Variants in ABI3BP observed in about 807,000 individuals in gnomAD.
ABI3BP encodes target of Nesh-SH3.
ABI3BP carries 216 observed loss-of-function variants against 268.6 expected under a neutral mutation model. That is an observed-to-expected ratio of 0.80 (90% CI 0.72 to 0.90). ABI3BP has a LOEUF of 0.90. ABI3BP is among the 40% of genes least tolerant of loss of function. The pLI is 0.00. For synonymous variants in ABI3BP, 730 were observed against 730.0 expected (o/e 1.00, Z 0.00); for missense variants, 2,090 against 2,182.4 (o/e 0.96, Z 0.84).
chr3:100,931,477 A>C lies in ABI3BP; in HGVS notation c.80-4996T>G, dbSNP rs539105648. Among the ~76,000 whole-genome samples the C allele has an allele frequency of 2.6e-5, 4 of 152,216 alleles. No individual in the cohort carries two copies. The South Asian group carries it at 8.3e-4, about 31-fold the overall frequency. On this transcript the variant is annotated intron_variant, in intron 1 of 67. Coordinates refer to ENST00000471714, the MANE Select transcript of ABI3BP (RefSeq NM_001375547.2). ...ATCCTGTAGTCTCTGCCAAAAGGCT[A>C]CTAGAAATGATAAACAACTTCAGCA...
chr3:100,800,981 T>C (rs899221264), intron 51 of ABI3BP, among the ~76,000 whole-genome samples: 5 of 152,222 alleles, frequency 3.3e-5, no homozygotes, highest in African/African-American at 4.8e-5. Flanking sequence ...GTTTTATAGT[T>C]ATTGATATTA....
chr3:100,975,514 C>T (rs765022549), intron 1 of ABI3BP, among the ~76,000 whole-genome samples: 3 of 152,098 alleles, frequency 2.0e-5, no homozygotes, highest in Non-Finnish European at 2.9e-5. Context: ...TTTCTAGTGG[C>T]ACCCTCCCTG....
intron 62 of ABI3BP, among the ~76,000 whole-genome samples, chr3:100,769,028 A>G (rs1441844926): frequency 6.6e-6 from 1 of 152,262 alleles, no homozygotes; most frequent in East Asian, 1.9e-4. Context: ...TAACTCTATT[A>G]TATCTCAGTT....
At chr3:100,933,632 A>AATATATATAT (rs55749258) in intron 1 of ABI3BP, among the ~76,000 whole-genome samples, 94 of 146,406 alleles carry the variant, frequency 6.4e-4, no homozygotes, top group Middle Eastern at 3.5e-3. Flanking sequence ...CAATATTTGC[A>AATATATATAT]ATATATATAT....
chr3:100,988,273 G>A (rs1030677242), intron 1 of ABI3BP, among the ~76,000 whole-genome samples: 28 of 152,182 alleles, frequency 1.8e-4, no homozygotes, highest in African/African-American at 6.8e-4. Context: ...TGAGCAGCTG[G>A]AAAGTTGACA....
At chr3:100,870,968 T>C (rs757577609) in intron 9 of ABI3BP, among the ~76,000 whole-genome samples, 2 of 152,148 alleles carry the variant, frequency 1.3e-5, no homozygotes, top group East Asian at 1.9e-4. Context: ...ATTTCACTCA[T>C]ATGTGGAATC....
At chr3:100,850,919 T>A (rs2098830281) in intron 15 of ABI3BP, among the ~76,000 whole-genome samples, 185 bp from the exon 16 acceptor site, 1 of 152,192 alleles carries the variant, frequency 6.6e-6, no homozygotes, top group African/African-American at 2.4e-5. Flanking sequence ...TTAAAAAACA[T>A]ACATACTTTA....
At chr3:100,836,831 CA>C (rs1205414415) in intron 27 of ABI3BP, among the ~76,000 whole-genome samples, 1 of 152,042 alleles carries the variant, frequency 6.6e-6, no homozygotes, top group Non-Finnish European at 1.5e-5. Context: ...GCAGAGGTTT[CA>C]AAAAATTTTC....
In ABI3BP at chr3:100,787,741, A is replaced by C. The variant is rs1161254715; in HGVS notation, c.4149T>G (p.Asn1383Lys). 6.5e-7 allele frequency: 1 copy of C among 1,532,092 alleles called. No individual in the cohort carries two copies. The highest frequency in any genetic ancestry group is 1.4e-5 in the African/African-American group (1 of 72,826). The allele number at this position is 1,532,092 out of a possible 1,614,324, so 94.9% of individuals were successfully genotyped here. Residue 1383 changes from asparagine (N) to lysine (K), a missense_variant, in exon 57 of 68, where the codon AAT (asparagine) becomes AAG (lysine). Coordinates refer to ENST00000471714, the MANE Select transcript of ABI3BP (RefSeq NM_001375547.2). ...RPKPSGMPSGNGVGTGVKQAP... is the reference protein window; with the variant it reads ...RPKPSGMPSGKGVGTGVKQAP... ...TGTGATTATTACCTGTTCCCACTCC[A>C]TTCCCACTGGGCATCCCACTGGGTT... is the stretch of plus-strand genomic sequence containing the variant.
chr3:100,765,921 C>T lies in ABI3BP; in HGVS notation c.4770G>A (p.Gly1590=). 6.2e-7 allele frequency: 1 copy of T among 1,612,304 alleles called. No individual in the cohort carries two copies. Among genetic ancestry groups the T allele is most frequent in the Non-Finnish European group, 8.5e-7 (1 of 1,178,938 alleles). ...TEYEVISREN[G]SFSGKNKSIQ... ...TGGACTTGTTCTTCCCACTGAATGACCCATTTTCTCTGGATATAACTTCAT... is the reference window on the plus strand; with the variant it reads ...TGGACTTGTTCTTCCCACTGAATGATCCATTTTCTCTGGATATAACTTCAT... The change falls in exon 63 of 68, where the codon GGG becomes GGA. Residue 1590 remains glycine, a synonymous_variant. Transcript: ENST00000471714.
At position 100,841,220 on chromosome 3, in the gene ABI3BP, T is replaced by TTTTTTTTTTGTTTTTTTG. The variant is rs1560681726; in HGVS notation, c.1766-363_1766-362insCAAAAAAACAAAAAAAAA. On this transcript the variant is annotated intron_variant, in intron 21 of 67. Coordinates refer to ENST00000471714, the MANE Select transcript of ABI3BP (RefSeq NM_001375547.2). ...TTTTTTTTTTTTTTTTTTTTTTTTT[T>TTTTTTTTTTGTTTTTTTG]TTTTTTTGCTCTTTTGAAGAAAAAG... is the stretch of plus-strand genomic sequence containing the variant. Among the ~76,000 whole-genome samples, 43 of 119,580 alleles carry TTTTTTTTTTGTTTTTTTG rather than the reference T, an allele frequency of 3.6e-4. 1 individual carries two copies. Among genetic ancestry groups the TTTTTTTTTTGTTTTTTTG allele is most frequent in the East Asian group, 7.8e-4 (3 of 3,824 alleles). 78.4% of individuals were successfully genotyped at this position (119,580 alleles called of 152,430 possible).
At position 100,842,117 on chromosome 3, in the gene ABI3BP, AAACGGAGTTCTCTCCTGG is replaced by A. The variant is rs1173472056; in HGVS notation, c.1724-96_1724-79del. On this transcript the variant is annotated intron_variant, in intron 20 of 67. Coordinates refer to ENST00000471714, the MANE Select transcript of ABI3BP (RefSeq NM_001375547.2). ...ATAGAAGTGACATGTTCTTGACTAT[AAACGGAGTTCTCTCCTGG>A]GTGAATGATTAGGTTCTACTGGCTT... 7.3e-6 allele frequency: 9 copies of A among 1,236,698 alleles called. No homozygotes were observed. The African/African-American group carries it at 1.4e-4, about 19-fold the overall frequency. 76.6% of individuals were successfully genotyped at this position (1,236,698 alleles called of 1,614,324 possible).
intron 2 of ABI3BP, among the ~76,000 whole-genome samples, chr3:100,921,784 A>G (rs1373857078): frequency 1.3e-5 from 2 of 152,210 alleles, no homozygotes; most frequent in Non-Finnish European, 2.9e-5. Context: ...ATACTTAATA[A>G]ATAGAAAGAT....
Position 100,909,447 on chromosome 3 carries a change from A to T in ABI3BP, c.260-6761T>A, listed in dbSNP as rs535403008. On this transcript the variant is annotated intron_variant, in intron 2 of 67. Transcript: ENST00000471714. ...TTAAACTAAAGAGCTTCTTCTGCAC[A>T]GCAAAAGAAACTACCATCAGAGTGA... Among the ~76,000 whole-genome samples, 24 of 152,266 alleles carry T rather than the reference A, an allele frequency of 1.6e-4. No individual in the cohort carries two copies. In the South Asian group the frequency reaches 4.8e-3, roughly 30 times the overall value.
rs766102820 is a variant in ABI3BP, at chr3:100,752,919, G to A, written c.4990C>T (p.Pro1664Ser). Residue 1664 changes from proline to serine, a missense_variant, in exon 66 of 68, where the codon CCC becomes TCC. By Grantham distance (74) the Pro-to-Ser change is moderately conservative. Coordinates refer to ENST00000471714, the MANE Select transcript of ABI3BP (RefSeq NM_001375547.2). ...AGRDAIWTER[P>S]FNSDSYSECK... ...TCTGAGTAAGAGTCTGAATTAAAGG[G>A]TCTTTCAGTCCAGATGGCATCTCTT... is the stretch of plus-strand genomic sequence containing the variant. 8 of 1,613,108 alleles carry A rather than the reference G, an allele frequency of 5.0e-6. No individual in the cohort carries two copies. The highest frequency in any genetic ancestry group is 6.8e-6 in the Non-Finnish European group (8 of 1,179,530).
chr3:100,826,699 T>A (rs2098391454), intron 34 of ABI3BP, among the ~76,000 whole-genome samples: 1 of 152,146 alleles, frequency 6.6e-6, no homozygotes, highest in African/African-American at 2.4e-5. Flanking sequence ...GAACTCCACT[T>A]TGGAAAGAAC....
At chr3:100,756,828 G>T (rs536156148) in intron 63 of ABI3BP, among the ~76,000 whole-genome samples, 7 of 128,326 alleles carry the variant, frequency 5.5e-5, no homozygotes, top group Admixed American at 8.7e-5. Flanking sequence ...AAGTTTCAAA[G>T]AAATTATTTT....
rs2096249436 is a variant in ABI3BP, at chr3:100,765,892, T to C, written c.4799A>G (p.Gln1600Arg). 1 of 1,612,884 alleles carries C rather than the reference T, an allele frequency of 6.2e-7. No individual in the cohort carries two copies. The highest frequency in any genetic ancestry group is 8.5e-7 in the Non-Finnish European group (1 of 1,179,428). Residue 1600 changes from glutamine to arginine, a missense_variant, in exon 63 of 68, where the codon CAA becomes CGA. By Grantham distance (43) the Gln-to-Arg change is conservative (BLOSUM62 1). Transcript: ENST00000471714. ...GSFSGKNKSIQMTNQTFSTVE... is the reference protein window; with the variant it reads ...GSFSGKNKSIRMTNQTFSTVE... ...TGTGGAAAATGTCTGATTTGTCATT[T>C]GAATGGACTTGTTCTTCCCACTGAA...
intron 1 of ABI3BP, among the ~76,000 whole-genome samples, chr3:100,991,194 T>G (rs1057274834): frequency 3.3e-5 from 5 of 152,208 alleles, no homozygotes; most frequent in African/African-American, 1.2e-4. Context: ...TAAGTGATCA[T>G]GAATATCTTT....
Sources: gnomAD v4.1 joint callset for allele counts (sites outside exome capture counted in the v4.1 genomes callset) on GRCh38, gnomAD v4.1.1 for gene constraint, MANE v1.5 for transcripts, NCBI Gene and HGNC (gene_info 2026-07-23, HGNC 2026-07-21) for gene names.